The following RERG variants were observed in gnomAD, a reference collection of about 807,000 sequenced individuals.
RERG encodes ras-related and estrogen-regulated growth inhibitor.
A neutral mutation model predicts 23.2 loss-of-function variants in RERG; 25 were observed. The observed-to-expected ratio is 1.08, with a 90% CI of 0.79 to 1.50. RERG has a LOEUF of 1.50. Ranked by LOEUF, RERG falls within the 40% of genes most tolerant of loss-of-function variation. The probability of loss-of-function intolerance (pLI) is 0.00; values close to 1 mark genes in which losing one functional copy is unlikely to be tolerated. For synonymous variants in RERG, 81 were observed against 89.1 expected, an observed-to-expected ratio of 0.91 and a Z score of 0.51; for missense variants, 253 against 250.1, an observed-to-expected ratio of 1.01 and a Z score of -0.08.
intron 2 of RERG, among the ~76,000 whole-genome samples, chr12:15,197,605 C>T (rs1175486153): frequency 1.3e-5 from 2 of 151,946 alleles, no homozygotes; most frequent in African/African-American, 4.8e-5. Context: ...CTATTAAAGG[C>T]GACAGATCAA....
At chr12:15,180,638 G>C (rs957322711) in intron 2 of RERG, among the ~76,000 whole-genome samples, 11 of 152,164 alleles carry the variant, frequency 7.2e-5, no homozygotes, top group Admixed American at 2.6e-4. Flanking sequence ...AAGTGCACTG[G>C]CTGAAGTAAA....
chr12:15,126,078 A>G (rs1863932465), intron 2 of RERG, among the ~76,000 whole-genome samples: 1 of 145,006 alleles, frequency 6.9e-6, no homozygotes, highest in South Asian at 2.1e-4. Flanking sequence ...GTATTCCTCT[A>G]TTGTCTAAAC....
chr12:15,109,248 C>T lies in RERG; in HGVS notation c.462G>A (p.Gly154=). The T allele has an allele frequency of 6.2e-7, 1 of 1,614,124 alleles. No individual in the cohort carries two copies. The highest frequency in any genetic ancestry group is 1.3e-5 in the African/African-American group (1 of 75,022). The change falls in exon 5 of 5, where the codon GGG becomes GGA. Residue 154 remains glycine (G), a synonymous_variant. Transcript: ENST00000256953. ...FYECSACTGE[G]NITEIFYELC... Reference sequence around the variant, plus strand: ...ATTCATAGAATATCTCTGTGATGTTCCCTTCTCCAGTGCAGGCAGAGCACT... The same window carrying T: ...ATTCATAGAATATCTCTGTGATGTTTCCTTCTCCAGTGCAGGCAGAGCACT...
chr12:15,170,803 A>G (rs1340294376), intron 2 of RERG, among the ~76,000 whole-genome samples: 4 of 152,198 alleles, frequency 2.6e-5, no homozygotes, highest in African/African-American at 4.8e-5. Flanking sequence ...AAATCACCCT[A>G]AACAACCACT....
chr12:15,153,847 T>C (rs1056268971), intron 2 of RERG, among the ~76,000 whole-genome samples: 1 of 152,154 alleles, frequency 6.6e-6, no homozygotes, highest in Non-Finnish European at 1.5e-5. Flanking sequence ...AAAAATAAGA[T>C]CTTTGTTGAT....
intron 2 of RERG, among the ~76,000 whole-genome samples, chr12:15,139,584 A>G (rs1457526667): frequency 6.6e-6 from 1 of 152,158 alleles, no homozygotes; most frequent in East Asian, 1.9e-4. Flanking sequence ...GCTGTTTTAA[A>G]TGGTACAGTG....
chr12:15,161,136 GA>G (rs1336041872), intron 2 of RERG, among the ~76,000 whole-genome samples: 2 of 51,964 alleles, frequency 3.8e-5, no homozygotes, highest in African/African-American at 6.7e-5. Context: ...CTCCATCTCA[GA>G]AAAAGAAAGA....
intron 2 of RERG, among the ~76,000 whole-genome samples, chr12:15,163,365 T>C (rs1273171104): frequency 1.3e-5 from 2 of 152,148 alleles, no homozygotes; most frequent in Non-Finnish European, 2.9e-5. Flanking sequence ...TTCCAATGAA[T>C]ATACAGATTT....
chr12:15,214,556 T>C (rs1176811845), intron 2 of RERG, among the ~76,000 whole-genome samples: 1 of 152,188 alleles, frequency 6.6e-6, no homozygotes, highest in Non-Finnish European at 1.5e-5. Context: ...AAGTTACCTA[T>C]AAGACTGATA....
chr12:15,204,410 C>T (rs1242611507), intron 2 of RERG, among the ~76,000 whole-genome samples: 2 of 151,572 alleles, frequency 1.3e-5, no homozygotes, highest in African/African-American at 4.8e-5. Flanking sequence ...TTATACCATA[C>T]ACAAAAATCA....
At chr12:15,199,436 GTAT>G (rs1247176899) in intron 2 of RERG, among the ~76,000 whole-genome samples, 1 of 151,636 alleles carries the variant, frequency 6.6e-6, no homozygotes, top group African/African-American at 2.4e-5. Context: ...TTCAATCTTC[GTAT>G]TCTTAGTCCA....
intron 2 of RERG, among the ~76,000 whole-genome samples, chr12:15,211,759 T>C (rs1865369313): frequency 6.6e-6 from 1 of 152,202 alleles, no homozygotes; most frequent in South Asian, 2.1e-4. Context: ...CCGTAATGCA[T>C]ATATGTATCA....
intron 2 of RERG, among the ~76,000 whole-genome samples, chr12:15,196,863 C>T (rs528537461): frequency 2.0e-5 from 3 of 152,114 alleles, no homozygotes; most frequent in East Asian, 1.9e-4. Flanking sequence ...GACACTGAAA[C>T]GAAACAGTCG....
At chr12:15,179,166 G>A (rs1864891065) in intron 2 of RERG, among the ~76,000 whole-genome samples, 1 of 152,156 alleles carries the variant, frequency 6.6e-6, no homozygotes, top group Non-Finnish European at 1.5e-5. Context: ...TAGCAGAGGT[G>A]CTGATAAGAG....
intron 2 of RERG, among the ~76,000 whole-genome samples, chr12:15,177,777 A>G (rs1864870383): frequency 6.6e-6 from 1 of 151,996 alleles, no homozygotes; most frequent in African/African-American, 2.4e-5. Context: ...GAATGTGAGG[A>G]ACAAAGAAGC....
At chr12:15,172,518 T>C (rs1045921720) in intron 2 of RERG, among the ~76,000 whole-genome samples, 13 of 151,930 alleles carry the variant, frequency 8.6e-5, no homozygotes, top group Non-Finnish European at 4.4e-5. Flanking sequence ...GGTCATCTGG[T>C]AACTCCATGT....
At chr12:15,191,667 T>A (rs1865073192) in intron 2 of RERG, among the ~76,000 whole-genome samples, 1 of 152,154 alleles carries the variant, frequency 6.6e-6, no homozygotes, top group Non-Finnish European at 1.5e-5. Context: ...TGTTTTCCCT[T>A]GTCTCCACTT....
chr12:15,138,768 T>C (rs1275818757), intron 2 of RERG, among the ~76,000 whole-genome samples: 1 of 152,042 alleles, frequency 6.6e-6, no homozygotes, highest in Non-Finnish European at 1.5e-5. Flanking sequence ...GCTCATCTTT[T>C]CATTCTATTC....
chr12:15,162,663 T>C (rs1261135382), intron 2 of RERG, among the ~76,000 whole-genome samples: 2 of 152,220 alleles, frequency 1.3e-5, no homozygotes, highest in Admixed American at 6.5e-5. Flanking sequence ...TCTTTTGTTC[T>C]CAAGGAAGGA....
Sources: gnomAD v4.1 joint callset for allele counts (sites outside exome capture counted in the v4.1 genomes callset) on GRCh38, gnomAD v4.1.1 for gene constraint, MANE v1.5 for transcripts, NCBI Gene and HGNC (gene_info 2026-07-23, HGNC 2026-07-21) for gene names.